TMEM117: variants seen among roughly 807,000 people sequenced by gnomAD.
The protein encoded by TMEM117 is transmembrane protein 117.
A neutral mutation model predicts 52.4 loss-of-function variants in TMEM117; 27 were observed. That is an observed-to-expected ratio of 0.51 (90% CI 0.38 to 0.71). TMEM117 has a LOEUF of 0.71. Ranked by LOEUF, TMEM117 falls within the 30% of genes least tolerant of loss-of-function variation. TMEM117 has a pLI of 0.00. For synonymous variants in TMEM117, 215 were observed against 206.3 expected, an observed-to-expected ratio of 1.04 and a Z score of -0.36; for missense variants, 556 against 630.5, an observed-to-expected ratio of 0.88 and a Z score of 1.26.
intron 6 of TMEM117, among the ~76,000 whole-genome samples, chr12:44,328,276 A>G (rs1951222295): frequency 6.6e-6 from 1 of 152,166 alleles, no homozygotes; most frequent in South Asian, 2.1e-4. Flanking sequence ...ATATCTTAGT[A>G]TTGCCACCAT....
At chr12:43,795,898 CT>C in the TMEM117 span, 3 of 720,608 alleles carry the variant, frequency 4.2e-6, no homozygotes, top group African/African-American at 1.8e-5. Flanking sequence ...TCACTTTCTT[CT>C]TTTGGGGGAA....
At chr12:44,255,428 G>A (rs539598100) in intron 5 of TMEM117, among the ~76,000 whole-genome samples, 10 of 152,178 alleles carry the variant, frequency 6.6e-5, no homozygotes, top group African/African-American at 1.9e-4. Context: ...GAAAGTACCA[G>A]ATATTAACTA....
intron 4 of TMEM117, among the ~76,000 whole-genome samples, chr12:44,210,896 T>G (rs1949636725): frequency 6.6e-6 from 1 of 152,058 alleles, no homozygotes; most frequent in Non-Finnish European, 1.5e-5. Flanking sequence ...AAAGAGAAGA[T>G]AATATTTTGA....
intron 2 of TMEM117, among the ~76,000 whole-genome samples, chr12:43,849,761 C>A (rs1019191404): frequency 1.3e-5 from 2 of 151,902 alleles, no homozygotes; most frequent in African/African-American, 4.8e-5. Flanking sequence ...GGAATCATAA[C>A]CTTCTGTAAA....
chr12:43,913,252 G>A (rs1202080121), intron 2 of TMEM117, among the ~76,000 whole-genome samples: 2 of 152,144 alleles, frequency 1.3e-5, no homozygotes, highest in Non-Finnish European at 2.9e-5. Flanking sequence ...TACCTATCAA[G>A]CTCTAAATCC....
At chr12:44,085,848 T>A (rs1444890087) in intron 3 of TMEM117, among the ~76,000 whole-genome samples, 2 of 152,196 alleles carry the variant, frequency 1.3e-5, no homozygotes, top group African/African-American at 2.4e-5. Context: ...TTTAGCTATT[T>A]TTTTTTCTAG....
intron 3 of TMEM117, among the ~76,000 whole-genome samples, chr12:44,114,798 A>G (rs112506296): frequency 0.016 from 2,383 of 152,278 alleles, 66 homozygotes; most frequent in African/African-American, 0.054. Context: ...CTGTGCGTTT[A>G]GCTAATAGAA....
At chr12:43,849,394 A>G (rs1943266849) in intron 2 of TMEM117, among the ~76,000 whole-genome samples, 1 of 152,196 alleles carries the variant, frequency 6.6e-6, no homozygotes, top group African/African-American at 2.4e-5. Flanking sequence ...TGAGAATCAC[A>G]CCATTAAGCT....
chr12:43,891,839 A>G (rs111475265), intron 2 of TMEM117, among the ~76,000 whole-genome samples: 9 of 152,066 alleles, frequency 5.9e-5, no homozygotes, highest in African/African-American at 1.2e-4. Flanking sequence ...TTAGTTCTCT[A>G]TTATTCCTTA....
intron 3 of TMEM117, among the ~76,000 whole-genome samples, chr12:44,123,259 T>C (rs563928357): frequency 1.3e-5 from 2 of 151,884 alleles, no homozygotes; most frequent in South Asian, 4.2e-4. Context: ...TTTTTTCTCG[T>C]AAATTTGTTT....
intron 3 of TMEM117, among the ~76,000 whole-genome samples, chr12:44,083,389 G>GTTTTT (rs1160025038): frequency 3.7e-5 from 3 of 80,396 alleles, no homozygotes; most frequent in Admixed American, 1.2e-4. Flanking sequence ...GGTATTGTTA[G>GTTTTT]TTTTTTTTTT....
At chr12:43,985,723 G>C (rs981336914) in intron 3 of TMEM117, among the ~76,000 whole-genome samples, 3 of 152,140 alleles carry the variant, frequency 2.0e-5, no homozygotes, top group Non-Finnish European at 4.4e-5. Context: ...TGAAAATGAA[G>C]GTGATTAAAA....
At chr12:44,368,629 TAGTC>T (rs1951822488) in intron 6 of TMEM117, among the ~76,000 whole-genome samples, 1 of 152,188 alleles carries the variant, frequency 6.6e-6, no homozygotes, top group Admixed American at 6.6e-5. Context: ...TAGGAGAAAT[TAGTC>T]ATTCAGACAA....
At chr12:44,009,328 G>C (rs1257949676) in intron 3 of TMEM117, 1 of 234,610 alleles carries the variant, frequency 4.3e-6, no homozygotes, top group Non-Finnish European at 8.4e-6. Context: ...TAACCCTAGA[G>C]AGATGACAGC....
At chr12:44,078,676 GTAT>G (rs1157360963) in intron 3 of TMEM117, among the ~76,000 whole-genome samples, 1 of 151,738 alleles carries the variant, frequency 6.6e-6, no homozygotes, top group Admixed American at 6.6e-5. Flanking sequence ...AAATTCTTAG[GTAT>G]TATTATTATT....
At chr12:43,836,066 GA>G (rs1304793072), upstream of TMEM117, 6 of 151,856 alleles carry the variant, frequency 4.0e-5, no homozygotes, top group East Asian at 1.2e-3. Flanking sequence ...ATAGCTCCGT[GA>G]CAGCAGCAGC....
At chr12:43,904,124 A>G (rs1339225432) in intron 2 of TMEM117, among the ~76,000 whole-genome samples, 1 of 152,230 alleles carries the variant, frequency 6.6e-6, no homozygotes, top group African/African-American at 2.4e-5. Context: ...CATGTTCACA[A>G]ATTAAAAAGA....
chr12:44,311,897 GTATATATATATGTGTGTA>G (rs1950994268), intron 6 of TMEM117, among the ~76,000 whole-genome samples: 1 of 120,758 alleles, frequency 8.3e-6, no homozygotes, highest in African/African-American at 3.8e-5. Flanking sequence ...ATATATATGT[GTATATATATATGTGTGTA>G]TATATATATA....
At chr12:43,904,842 T>G (rs1944358700) in intron 2 of TMEM117, among the ~76,000 whole-genome samples, 1 of 152,234 alleles carries the variant, frequency 6.6e-6, no homozygotes, top group African/African-American at 2.4e-5. Context: ...CAACATTTGC[T>G]TATCAAACGA....
Sources: allele counts gnomAD v4.1 joint callset (sites outside exome capture counted in the v4.1 genomes callset), GRCh38; gene constraint gnomAD v4.1.1; transcripts MANE v1.5; gene names NCBI Gene and HGNC (gene_info 2026-07-23, HGNC 2026-07-21).